Variants in TRPM1 observed in about 807,000 individuals in gnomAD.
TRPM1 encodes the protein TRPM1-203 APA Isoform, Intron 10.
In TRPM1, 113 loss-of-function variants were observed where a neutral mutation model predicts 149.4. That is an observed-to-expected ratio of 0.76 (90% CI 0.65 to 0.88). The LOEUF (loss-of-function observed/expected upper bound fraction) is 0.88, where lower values mean the gene tolerates loss of function less well. TRPM1 is among the 40% of genes least tolerant of loss of function. The probability of loss-of-function intolerance (pLI) is 0.00; values close to 1 mark genes in which losing one functional copy is unlikely to be tolerated. For synonymous variants in TRPM1, 741 were observed against 759.5 expected (o/e 0.98, Z 0.40); for missense variants, 1,976 against 2,038.7 (o/e 0.97, Z 0.59).
upstream of TRPM1, among the ~76,000 whole-genome samples, chr15:31,105,170 A>G (rs1368515401): frequency 6.6e-6 from 1 of 152,170 alleles, no homozygotes; most frequent in East Asian, 1.9e-4. Context: ...TTTTCTTACT[A>G]TTGTTCACAT....
intron 1 of TRPM1, among the ~76,000 whole-genome samples, chr15:31,134,719 C>T (rs950810369): frequency 7.9e-5 from 12 of 152,306 alleles, no homozygotes; most frequent in African/African-American, 2.9e-4. Context: ...GAGACTGACT[C>T]GGCTGGGCAA....
At chr15:31,109,987 A>T (rs1463752885) in intron 1 of TRPM1, among the ~76,000 whole-genome samples, 6 of 152,202 alleles carry the variant, frequency 3.9e-5, no homozygotes, top group African/African-American at 9.7e-5. Context: ...GTGAATCCTG[A>T]TCTGAAAGCT....
intron 21 of TRPM1, 160 bp from the exon 22 acceptor site, chr15:31,033,100 T>C: frequency 1.0e-6 from 1 of 974,582 alleles, no homozygotes; most frequent in Non-Finnish European, 1.6e-6. Context: ...GAGAGATATC[T>C]AGAAAGGGAA....
upstream of TRPM1, among the ~76,000 whole-genome samples, chr15:31,104,422 T>C (rs1220700970): frequency 2.6e-5 from 4 of 152,134 alleles, no homozygotes; most frequent in Non-Finnish European, 5.9e-5. Flanking sequence ...TGACCAATAG[T>C]TAGTCTCGAA....
Position 31,067,111 on chromosome 15 carries a change from A to T in TRPM1, c.570T>A (p.Ile190=). The change falls in exon 6 of 28, where the codon ATT becomes ATA. Residue 190 remains isoleucine (I), a synonymous_variant. Coordinates refer to ENST00000256552, the MANE Select transcript of TRPM1 (RefSeq NM_001252024.2). The part of the protein sequence containing the change: ...KSRGRVCAIG[I]APWGIVENKE... ...TATTCTCCACGATGCCCCATGGAGC[A>T]ATTCCTATAGCACAAACCCGGCCTC... 1 of 1,614,190 alleles carries T rather than the reference A, an allele frequency of 6.2e-7. No individual in the cohort carries two copies. The highest frequency in any genetic ancestry group is 8.5e-7 in the Non-Finnish European group (1 of 1,180,038).
At chr15:31,137,967 G>C (rs1166020323) in intron 1 of TRPM1, among the ~76,000 whole-genome samples, 3 of 152,150 alleles carry the variant, frequency 2.0e-5, no homozygotes, top group Admixed American at 2.0e-4. Context: ...TGGGTTATCT[G>C]ATCTCTACCA....
chr15:31,020,992 T>C (rs74800653), intron 27 of TRPM1, among the ~76,000 whole-genome samples: 2 of 152,080 alleles, frequency 1.3e-5, no homozygotes, highest in Non-Finnish European at 2.9e-5. Flanking sequence ...GATTTTTTTT[T>C]CTCTATCCTC....
intron 1 of TRPM1, among the ~76,000 whole-genome samples, chr15:31,088,731 G>A (rs940700849): frequency 6.6e-6 from 1 of 151,032 alleles, no homozygotes; most frequent in Non-Finnish European, 1.5e-5. Context: ...CTGAAGCGGC[G>A]GTATTCGTCT....
intron 4 of TRPM1, chr15:31,069,623 G>A: frequency 7.6e-7 from 1 of 1,320,984 alleles, no homozygotes; most frequent in Non-Finnish European, 9.6e-7. Context: ...CTGAGCGCAG[G>A]CCCAGGGAAG....
intron 1 of TRPM1, among the ~76,000 whole-genome samples, chr15:31,108,557 G>A (rs1157898242): frequency 3.9e-5 from 6 of 152,124 alleles, no homozygotes; most frequent in Non-Finnish European, 5.9e-5. Context: ...GCAACGGCAC[G>A]ATCTCAGCTC....
At chr15:31,088,184 C>T (rs1395568249) in intron 1 of TRPM1, among the ~76,000 whole-genome samples, 1 of 152,090 alleles carries the variant, frequency 6.6e-6, no homozygotes, top group Non-Finnish European at 1.5e-5. Flanking sequence ...CACCAATCAG[C>T]ACGCTGTAAA....
intron 27 of TRPM1, among the ~76,000 whole-genome samples, chr15:31,024,036 C>G (rs192279275): frequency 1.3e-5 from 2 of 152,130 alleles, no homozygotes; most frequent in African/African-American, 2.4e-5. Flanking sequence ...TGTGAACACG[C>G]CTGTAAAACT....
Position 31,045,087 on chromosome 15 carries a change from C to A in TRPM1, c.1794+1117G>T, listed in dbSNP as rs1299048525. 2.6e-5 allele frequency among the ~76,000 whole-genome samples: 4 copies of A among 152,072 alleles called. No homozygotes were observed. The East Asian group carries it at 7.7e-4, about 29-fold the overall frequency. ...ACCAAACCTTCATGGAATAAATAAA[C>A]CCTGACCTGGAGAGTTTGAGAGAAC... On this transcript the variant is annotated intron_variant, in intron 16 of 27. Transcript: ENST00000256552.
In TRPM1 at chr15:31,041,949, A is replaced by G. The variant is rs766862238; in HGVS notation, c.2087+2T>C. ...GCCTTTAAATCCCCGCTAGACACTA[A>G]CTTGGAATTGTTATCCAAGTCCTGG... On this transcript the variant is annotated splice_donor_variant, in intron 17 of 27. Coordinates refer to ENST00000256552, the MANE Select transcript of TRPM1 (RefSeq NM_001252024.2). LOFTEE classifies it high-confidence loss of function. The G allele has an allele frequency of 3.1e-6, 5 of 1,614,012 alleles. 1 individual carries two copies. The South Asian group carries it at 5.5e-5, about 18-fold the overall frequency.
At chr15:31,093,301 C>T (rs1245074323) in intron 1 of TRPM1, among the ~76,000 whole-genome samples, 3 of 145,574 alleles carry the variant, frequency 2.1e-5, no homozygotes, top group Admixed American at 1.4e-4. Flanking sequence ...AAAAAAGCTC[C>T]CAAAGAATCC....
chr15:31,072,014 T>TAGAGAGAG (rs1320448721), intron 3 of TRPM1, among the ~76,000 whole-genome samples: 6 of 28,282 alleles, frequency 2.1e-4, no homozygotes, highest in Admixed American at 4.8e-4. Context: ...TATATATATA[T>TAGAGAGAG]ATATAGAGAG....
chr15:31,026,844 C>T (rs566616331), intron 26 of TRPM1, 71 bp downstream of exon 26: 10 of 1,517,476 alleles, frequency 6.6e-6, no homozygotes, highest in Non-Finnish European at 8.2e-6. Context: ...AGTGAGATTT[C>T]TGTGAGGATG....
chr15:31,015,902 A>G (rs758407776), intron 27 of TRPM1, among the ~76,000 whole-genome samples: 1 of 152,038 alleles, frequency 6.6e-6, no homozygotes, highest in Non-Finnish European at 1.5e-5. Flanking sequence ...TCATCCCCAC[A>G]TTTCCTCAAG....
In TRPM1 at chr15:31,067,096, G is replaced by C. The variant is rs752558909; in HGVS notation, c.585C>G (p.Ile195Met). ...CAACCAGGTCTTCCTTATTCTCCAC[G>C]ATGCCCCATGGAGCAATTCCTATAG... is the stretch of plus-strand genomic sequence containing the variant. ...VCAIGIAPWG[I>M]VENKEDLVGK... The change falls in exon 6 of 28, where the codon ATC (isoleucine) becomes ATG (methionine). Residue 195 changes from isoleucine (I) to methionine (M), a missense_variant. Physicochemically the swap from Ile to Met is conservative, Grantham distance 10 (BLOSUM62 1). This residue lies in a region of TRPM1 where 1,332 missense variants were observed against 1,347.1 expected (regional missense o/e 0.99). Transcript: ENST00000256552. The C allele has an allele frequency of 5.0e-6, 8 of 1,614,110 alleles. No homozygotes were observed. The highest frequency in any genetic ancestry group is 1.1e-5 in the South Asian group (1 of 91,050).
Sources: allele counts gnomAD v4.1 joint callset (sites outside exome capture counted in the v4.1 genomes callset), GRCh38; gene constraint gnomAD v4.1.1; regional missense constraint gnomAD v4.1.1; transcripts MANE v1.5; gene names NCBI Gene and HGNC (gene_info 2026-07-23, HGNC 2026-07-21).